The following UNC5D variants were observed in gnomAD, a reference collection of about 807,000 sequenced individuals.
The protein encoded by UNC5D is netrin receptor UNC5D.
In UNC5D, 39 loss-of-function variants were observed where a neutral mutation model predicts 105.4. That is an observed-to-expected ratio of 0.37 (90% confidence interval 0.29 to 0.48). The LOEUF is 0.48. Among genes scored for constraint, UNC5D ranks in the 20% least tolerant of loss-of-function variants. The probability of loss-of-function intolerance (pLI) is 0.98; values close to 1 mark genes in which losing one functional copy is unlikely to be tolerated. For missense variants in UNC5D, 991 were observed against 1,202.4 expected, an observed-to-expected ratio of 0.82 and a Z score of 2.60; for synonymous variants, 452 against 450.4, an observed-to-expected ratio of 1.00 and a Z score of -0.04.
At chr8:35,491,665 G>T (rs1360212141) in intron 1 of UNC5D, among the ~76,000 whole-genome samples, 1 of 152,042 alleles carries the variant, frequency 6.6e-6, no homozygotes, top group Non-Finnish European at 1.5e-5. Flanking sequence ...CTTGTTACTG[G>T]TTTGCAGCAT....
At chr8:35,613,559 T>A (rs907618106) in intron 4 of UNC5D, among the ~76,000 whole-genome samples, 3 of 152,238 alleles carry the variant, frequency 2.0e-5, no homozygotes, top group African/African-American at 7.2e-5. Flanking sequence ...AGTTTGTTGT[T>A]TGCAGTGAAG....
intron 1 of UNC5D, among the ~76,000 whole-genome samples, chr8:35,397,251 G>A (rs1804166664): frequency 2.6e-5 from 4 of 152,186 alleles, no homozygotes; most frequent in Non-Finnish European, 2.9e-5. Flanking sequence ...GATACCCTCT[G>A]CTGGGCACAT....
At chr8:35,373,876 G>GATAAGAGGTT (rs1258580995) in intron 1 of UNC5D, among the ~76,000 whole-genome samples, 1 of 152,176 alleles carries the variant, frequency 6.6e-6, no homozygotes, top group Non-Finnish European at 1.5e-5. Flanking sequence ...TCTCATTTGA[G>GATAAGAGGTT]CACCAGGGTT....
At chr8:35,355,625 C>T (rs1357420431) in intron 1 of UNC5D, among the ~76,000 whole-genome samples, 1 of 152,106 alleles carries the variant, frequency 6.6e-6, no homozygotes, top group Non-Finnish European at 1.5e-5. Flanking sequence ...AATTCTTTGG[C>T]TCTCTTACTG....
At chr8:35,563,107 A>T (rs1447903735) in intron 2 of UNC5D, among the ~76,000 whole-genome samples, 1 of 151,934 alleles carries the variant, frequency 6.6e-6, no homozygotes, top group Non-Finnish European at 1.5e-5. Flanking sequence ...ATGGGTCCGT[A>T]CAAATTTTAG....
intron 4 of UNC5D, among the ~76,000 whole-genome samples, chr8:35,609,051 G>T (rs184620866): frequency 6.6e-6 from 1 of 151,856 alleles, no homozygotes; most frequent in Non-Finnish European, 1.5e-5. Flanking sequence ...CCTTTTCTCC[G>T]CATCTTGTCA....
intron 1 of UNC5D, among the ~76,000 whole-genome samples, chr8:35,290,663 T>A (rs997066625): frequency 5.9e-5 from 9 of 152,110 alleles, no homozygotes; most frequent in African/African-American, 2.2e-4. Flanking sequence ...AAAAGAAGTG[T>A]GGAGGCCAGG....
intron 9 of UNC5D, chr8:35,724,320 A>G: frequency 6.5e-7 from 1 of 1,534,454 alleles, no homozygotes; most frequent in Non-Finnish European, 8.7e-7. Context: ...TGCATTTATT[A>G]TGGTAATCTG....
chr8:35,473,004 T>C (rs1297170714), intron 1 of UNC5D, among the ~76,000 whole-genome samples: 1 of 152,188 alleles, frequency 6.6e-6, no homozygotes, highest in Non-Finnish European at 1.5e-5. Flanking sequence ...GTCTGAGCAG[T>C]AAACTAAGTA....
At chr8:35,611,899 T>C (rs1291064089) in intron 4 of UNC5D, among the ~76,000 whole-genome samples, 1 of 152,216 alleles carries the variant, frequency 6.6e-6, no homozygotes, top group East Asian at 1.9e-4. Context: ...ATTTTAATGG[T>C]TTTCCACAGA....
At chr8:35,771,362 T>C (rs573421126) in intron 15 of UNC5D, among the ~76,000 whole-genome samples, 5 of 152,308 alleles carry the variant, frequency 3.3e-5, no homozygotes, top group Non-Finnish European at 7.4e-5. Context: ...TTCAGTTTCA[T>C]TGATAAGCCA....
intron 1 of UNC5D, among the ~76,000 whole-genome samples, chr8:35,432,119 T>C (rs1288742396): frequency 6.6e-6 from 1 of 152,146 alleles, no homozygotes; most frequent in African/African-American, 2.4e-5. Context: ...ATACTAGCTG[T>C]GTGACCTTAG....
intron 1 of UNC5D, among the ~76,000 whole-genome samples, chr8:35,482,737 A>G (rs1490876135): frequency 2.0e-5 from 3 of 151,754 alleles, no homozygotes; most frequent in African/African-American, 7.2e-5. Context: ...AAATCTAAAA[A>G]TGAATAATTT....
intron 1 of UNC5D, among the ~76,000 whole-genome samples, chr8:35,442,842 T>C (rs1200918238): frequency 6.6e-6 from 1 of 151,584 alleles, no homozygotes; most frequent in Non-Finnish European, 1.5e-5. Context: ...AAATTAAAAC[T>C]CTATTTCTTA....
rs1440048506 is a variant in UNC5D at position 35,683,681 on chromosome 8, C to G, written c.705C>G (p.Asn235Lys). 6.4e-7 allele frequency: 1 copy of G among 1,560,546 alleles called. No individual in the cohort carries two copies. Among genetic ancestry groups the G allele is most frequent in the East Asian group, 2.4e-5 (1 of 41,876 alleles). ...GAAATTACACCTGCATGGCAGCCAA[C>G]ATCGTGGCTAAGAGGAGAAGCCTGT... ...DSGNYTCMAA[N>K]IVAKRRSLSA... The change falls in exon 5 of 17, where the codon AAC (asparagine) becomes AAG (lysine). Residue 235 changes from asparagine (N) to lysine (K), a missense_variant. Asn to Lys is a moderately conservative substitution (Grantham distance 94, BLOSUM62 0). Coordinates refer to ENST00000404895, the MANE Select transcript of UNC5D (RefSeq NM_080872.4).
intron 10 of UNC5D, among the ~76,000 whole-genome samples, chr8:35,729,322 C>T (rs1268921037): frequency 1.3e-5 from 2 of 152,158 alleles, no homozygotes; most frequent in Non-Finnish European, 2.9e-5. Flanking sequence ...TAACATGTCT[C>T]GGACCCTGTC....
intron 1 of UNC5D, among the ~76,000 whole-genome samples, chr8:35,497,250 G>C (rs962632643): frequency 6.6e-6 from 1 of 152,134 alleles, no homozygotes; most frequent in African/African-American, 2.4e-5. Flanking sequence ...TCAGAGATTA[G>C]GATGTTCCTT....
chr8:35,249,378 C>T (rs1444354554), intron 1 of UNC5D, among the ~76,000 whole-genome samples: 9 of 148,974 alleles, frequency 6.0e-5, no homozygotes, highest in Non-Finnish European at 4.5e-5. Flanking sequence ...GCTAACATGG[C>T]GAAACCCCAT....
At chr8:35,412,961 G>A (rs185106253) in intron 1 of UNC5D, among the ~76,000 whole-genome samples, 20 of 152,206 alleles carry the variant, frequency 1.3e-4, no homozygotes, top group Admixed American at 6.5e-4. Context: ...CATAACACAC[G>A]TGTGGGTCTC....
Sources: gnomAD v4.1 joint callset for allele counts (sites outside exome capture counted in the v4.1 genomes callset) on GRCh38, gnomAD v4.1.1 for gene constraint, MANE v1.5 for transcripts, NCBI Gene and HGNC (gene_info 2026-07-23, HGNC 2026-07-21) for gene names.